The following SLC35F1 variants were observed in gnomAD, a reference collection of about 807,000 sequenced individuals.
SLC35F1 encodes chromosome 6 open reading frame 169.
Under a neutral mutation model 48.7 loss-of-function variants are expected in SLC35F1, and 14 were observed. That is an observed-to-expected ratio of 0.29 (90% CI 0.19 to 0.45). The LOEUF is 0.45. SLC35F1 is among the 20% of genes least tolerant of loss of function. The pLI is 1.00. For synonymous variants in SLC35F1, 190 were observed against 202.2 expected (o/e 0.94, Z 0.51); for missense variants, 404 against 500.0 (o/e 0.81, Z 1.83).
At chr6:117,957,989 T>C (rs1776448142) in intron 1 of SLC35F1, among the ~76,000 whole-genome samples, 1 of 152,204 alleles carries the variant, frequency 6.6e-6, no homozygotes. Flanking sequence ...ATTGTTATCA[T>C]AGGAGATGAC....
At chr6:118,052,635 G>C (rs1772407174) in intron 1 of SLC35F1, among the ~76,000 whole-genome samples, 1 of 151,948 alleles carries the variant, frequency 6.6e-6, no homozygotes, top group African/African-American at 2.4e-5. Flanking sequence ...CAAAAATAAA[G>C]TTTAAGGAAA....
Position 117,907,680 on chromosome 6 carries a change from G to T in SLC35F1, c.-47G>T. The T allele has an allele frequency of 1.6e-6, 2 of 1,227,438 alleles. No homozygotes were observed. The highest frequency in any genetic ancestry group is 2.2e-6 in the Non-Finnish European group (2 of 897,692). The allele number at this position is 1,227,438 out of a possible 1,614,324, so 76.0% of individuals were successfully genotyped here. ...CCCGGGCCCGGAACCGGCACACGAT[G>T]CACCCGGCTGCGTTCTGATCGCCGC... On this transcript the variant is annotated 5_prime_UTR_variant, in exon 1 of 8. An upstream start codon of the reference 5' UTR is lost. Transcript: ENST00000360388.
chr6:118,096,141 C>T (rs900424225), intron 1 of SLC35F1, among the ~76,000 whole-genome samples: 1 of 152,200 alleles, frequency 6.6e-6, no homozygotes, highest in African/African-American at 2.4e-5. Context: ...ATCCCAATCT[C>T]AACCCTTTCC....
chr6:117,996,872 C>T (rs1344042164), intron 1 of SLC35F1, among the ~76,000 whole-genome samples: 1 of 152,164 alleles, frequency 6.6e-6, no homozygotes, highest in Non-Finnish European at 1.5e-5. Flanking sequence ...AGTGCCTCTC[C>T]TCCTCCAAAG....
At chr6:118,089,088 G>A (rs1773034510) in intron 1 of SLC35F1, among the ~76,000 whole-genome samples, 2 of 152,150 alleles carry the variant, frequency 1.3e-5, no homozygotes, top group South Asian at 2.1e-4. Context: ...CAAGGTAATG[G>A]CCGTGGAGAT....
At chr6:118,022,488 A>G (rs58556148) in intron 1 of SLC35F1, among the ~76,000 whole-genome samples, 1 of 152,166 alleles carries the variant, frequency 6.6e-6, no homozygotes, top group African/African-American at 2.4e-5. Context: ...CTGAAGAAGG[A>G]CCAGGCTTGG....
At chr6:117,934,350 A>G (rs1481880669) in intron 1 of SLC35F1, among the ~76,000 whole-genome samples, 3 of 152,222 alleles carry the variant, frequency 2.0e-5, no homozygotes, top group African/African-American at 4.8e-5. Flanking sequence ...GTTTTTAGCT[A>G]GGACAAATGC....
intron 1 of SLC35F1, among the ~76,000 whole-genome samples, chr6:118,117,378 A>C (rs925623152): frequency 6.6e-6 from 1 of 152,194 alleles, no homozygotes; most frequent in Non-Finnish European, 1.5e-5. Context: ...GAACAAATGG[A>C]GAGGAAAAAT....
chr6:118,092,445 C>T (rs1460958064), intron 1 of SLC35F1, among the ~76,000 whole-genome samples: 3 of 152,194 alleles, frequency 2.0e-5, no homozygotes, highest in African/African-American at 7.2e-5. Context: ...TCATGGAGAA[C>T]CTCTGCTAGG....
chr6:118,044,363 T>C (rs112380469), intron 1 of SLC35F1, among the ~76,000 whole-genome samples: 66 of 152,324 alleles, frequency 4.3e-4, no homozygotes, highest in African/African-American at 1.5e-3. Context: ...CCTGTCTTTC[T>C]TCCTGTGGTT....
chr6:118,108,185 C>T (rs1773351190), intron 1 of SLC35F1, among the ~76,000 whole-genome samples: 1 of 152,094 alleles, frequency 6.6e-6, no homozygotes, highest in Non-Finnish European at 1.5e-5. Context: ...TTCCAAATAA[C>T]AGAGAATTTG....
At position 118,125,675 on chromosome 6, in the gene SLC35F1, C is replaced by T. The variant is rs1582679459; in HGVS notation, c.174-28770C>T. ...TCCCAGTGGGTGGGCAGCCTCATCACTAGACCCCCAAGCTGGTTCTATCTT... is the reference window on the plus strand; with the variant it reads ...TCCCAGTGGGTGGGCAGCCTCATCATTAGACCCCCAAGCTGGTTCTATCTT... On this transcript the variant is annotated intron_variant, in intron 1 of 7. Transcript: ENST00000360388. 3.9e-5 allele frequency among the ~76,000 whole-genome samples: 6 copies of T among 152,318 alleles called. No homozygotes were observed. In the East Asian group the frequency reaches 1.2e-3, roughly 29 times the overall value.
intron 1 of SLC35F1, among the ~76,000 whole-genome samples, chr6:118,107,972 C>T (rs1275871427): frequency 6.6e-6 from 1 of 152,070 alleles, no homozygotes; most frequent in East Asian, 1.9e-4. Context: ...CCACACAGCC[C>T]TAGCACAAGA....
At chr6:118,249,769 A>C (rs1775549705) in intron 3 of SLC35F1, among the ~76,000 whole-genome samples, 1 of 152,100 alleles carries the variant, frequency 6.6e-6, no homozygotes, top group East Asian at 1.9e-4. Context: ...CCTCTTGTTT[A>C]TGTCTTCTGA....
At chr6:118,162,046 CT>C (rs1378616531) in intron 2 of SLC35F1, among the ~76,000 whole-genome samples, 1 of 152,292 alleles carries the variant, frequency 6.6e-6, no homozygotes, top group African/African-American at 2.4e-5. Flanking sequence ...CATAATGTCC[CT>C]GCAAAGATCT....
At chr6:118,122,670 C>T (rs1050768500) in intron 1 of SLC35F1, among the ~76,000 whole-genome samples, 1 of 152,180 alleles carries the variant, frequency 6.6e-6, no homozygotes, top group Non-Finnish European at 1.5e-5. Flanking sequence ...TTATCTCTAC[C>T]TCAACTCTGC....
intron 1 of SLC35F1, among the ~76,000 whole-genome samples, chr6:117,923,526 C>A (rs1162581259): frequency 7.1e-6 from 1 of 140,530 alleles, no homozygotes; most frequent in African/African-American, 2.6e-5. Flanking sequence ...TGTGTATATA[C>A]ACATATATGG....
chr6:117,974,787 A>G (rs999775924), intron 1 of SLC35F1, among the ~76,000 whole-genome samples: 2 of 152,208 alleles, frequency 1.3e-5, no homozygotes, highest in Non-Finnish European at 2.9e-5. Flanking sequence ...AATGCTTTTT[A>G]AATTGTGTTT....
chr6:118,255,952 A>G (rs562883698), intron 3 of SLC35F1, among the ~76,000 whole-genome samples: 1 of 152,212 alleles, frequency 6.6e-6, no homozygotes, highest in African/African-American at 2.4e-5. Context: ...TGTGAATAAC[A>G]TAGCTCTGAG....
Sources: gnomAD v4.1 joint callset for allele counts (sites outside exome capture counted in the v4.1 genomes callset) on GRCh38, gnomAD v4.1.1 for gene constraint, MANE v1.5 for transcripts, NCBI Gene and HGNC (gene_info 2026-07-23, HGNC 2026-07-21) for gene names.